CUL4A: variants seen among roughly 807,000 people sequenced by gnomAD.
The protein encoded by CUL4A is cullin-4A.
Under a neutral mutation model 95.5 loss-of-function variants are expected in CUL4A, and 16 were observed. The ratio of observed to expected loss-of-function variants is 0.17; its 90% CI spans 0.11 to 0.25. The LOEUF (loss-of-function observed/expected upper bound fraction) is 0.25, where lower values mean the gene tolerates loss of function less well. Ranked by LOEUF, CUL4A falls within the 10% of genes least tolerant of loss-of-function variation. The pLI, the probability that CUL4A is intolerant of heterozygous loss-of-function variation, is 1.00. For synonymous variants in CUL4A, 380 were observed against 353.1 expected, an observed-to-expected ratio of 1.08 and a Z score of -0.85; for missense variants, 610 against 937.0, an observed-to-expected ratio of 0.65 and a Z score of 4.56.
chr13:113,231,238 G>A (rs1411609609), intron 5 of CUL4A, among the ~76,000 whole-genome samples: 4 of 152,190 alleles, frequency 2.6e-5, no homozygotes, highest in African/African-American at 9.6e-5. Context: ...GTGTGTGTGG[G>A]CAATGCATGG....
intron 15 of CUL4A, among the ~76,000 whole-genome samples, chr13:113,251,766 T>C (rs2042000703): frequency 6.6e-6 from 1 of 152,198 alleles, no homozygotes; most frequent in African/African-American, 2.4e-5. Context: ...TTGTACAGCC[T>C]GCAGAACTGT....
At chr13:113,230,357 C>A (rs915301654) in intron 5 of CUL4A, 2 of 152,296 alleles carry the variant, frequency 1.3e-5, no homozygotes, top group Non-Finnish European at 2.9e-5. Context: ...CTGCCAGTTA[C>A]CAAATCCAGC....
At chr13:113,212,710 G>T (rs113955384) in intron 2 of CUL4A, among the ~76,000 whole-genome samples, 2 of 152,168 alleles carry the variant, frequency 1.3e-5, no homozygotes, top group Non-Finnish European at 2.9e-5. Context: ...GCTTGAACCC[G>T]GGAGGCGGAG....
At chr13:113,256,930 T>G (rs2042141420) in intron 18 of CUL4A, among the ~76,000 whole-genome samples, 1 of 133,260 alleles carries the variant, frequency 7.5e-6, no homozygotes, top group African/African-American at 2.8e-5. Context: ...TTTTTCGTTT[T>G]TTTTTTTTTT....
At chr13:113,246,320 A>C (rs1468397538) in intron 15 of CUL4A, among the ~76,000 whole-genome samples, 1 of 152,176 alleles carries the variant, frequency 6.6e-6, no homozygotes, top group Non-Finnish European at 1.5e-5. Context: ...TTGTTTTGGA[A>C]GTTATGGCTT....
chr13:113,208,850 G>C, upstream of CUL4A: 1 of 1,406,970 alleles, frequency 7.1e-7, no homozygotes. Context: ...TCTCAGCCGG[G>C]ACGCCAGCGG....
At chr13:113,242,622 A>C (rs769874635) in intron 10 of CUL4A, among the ~76,000 whole-genome samples, 2 of 152,094 alleles carry the variant, frequency 1.3e-5, no homozygotes, top group Non-Finnish European at 2.9e-5. Context: ...CCGTCTCTAC[A>C]AAACTTTAAA....
In CUL4A at chr13:113,231,765, C is replaced by T. The variant is rs866974376; in HGVS notation, c.513-1412C>T. Among the ~76,000 whole-genome samples the T allele has an allele frequency of 9.8e-5, 15 of 152,286 alleles. No individual in the cohort carries two copies. In the Middle Eastern group the frequency reaches 0.01, roughly 104 times the overall value. On this transcript the variant is annotated intron_variant, in intron 5 of 19. Coordinates refer to ENST00000375440, the MANE Select transcript of CUL4A (RefSeq NM_001008895.4). Reference sequence around the variant, plus strand: ...TGCCTCGAGCCCACAAGTCTGGCCACTGCACCTTCCTGCTCCAACTGTGGT... The same window carrying T: ...TGCCTCGAGCCCACAAGTCTGGCCATTGCACCTTCCTGCTCCAACTGTGGT...
At chr13:113,244,155 A>G in intron 11 of CUL4A, 1 of 348,418 alleles carries the variant, frequency 2.9e-6, no homozygotes, top group South Asian at 5.7e-5. Flanking sequence ...TTTGAAATTC[A>G]GAGATTGCAT....
At chr13:113,246,110 A>G in intron 15 of CUL4A, 47 bp downstream of exon 15, 2 of 1,402,090 alleles carry the variant, frequency 1.4e-6, no homozygotes, top group East Asian at 2.3e-5. Context: ...TCATGCCCTT[A>G]CCAGGCACAG....
chr13:113,237,073 A>G (rs2041569280), intron 9 of CUL4A, among the ~76,000 whole-genome samples, 183 bp downstream of exon 9: 1 of 152,238 alleles, frequency 6.6e-6, no homozygotes, highest in Admixed American at 6.5e-5. Context: ...AGTAAGAGAA[A>G]TAATGGAAGG....
At chr13:113,256,926 G>A (rs201581370) in intron 18 of CUL4A, among the ~76,000 whole-genome samples, 1 of 47,374 alleles carries the variant, frequency 2.1e-5, no homozygotes, top group Non-Finnish European at 3.6e-5. Flanking sequence ...TTTTTTTTTC[G>A]TTTTTTTTTT....
chr13:113,240,201 A>G (rs911431782), intron 10 of CUL4A, among the ~76,000 whole-genome samples: 1 of 152,052 alleles, frequency 6.6e-6, no homozygotes, highest in Non-Finnish European at 1.5e-5. Flanking sequence ...CCAAGGGGAC[A>G]TTTGTTGATG....
intron 19 of CUL4A, among the ~76,000 whole-genome samples, chr13:113,262,151 C>T (rs2042297239): frequency 2.0e-5 from 3 of 152,164 alleles, no homozygotes; most frequent in South Asian, 4.1e-4. Flanking sequence ...TAGAGGGTCT[C>T]CCTTGTATAG....
intron 2 of CUL4A, among the ~76,000 whole-genome samples, chr13:113,217,623 T>G (rs917808905): frequency 3.3e-5 from 5 of 152,220 alleles, no homozygotes; most frequent in African/African-American, 4.8e-5. Context: ...TTAATACTTG[T>G]GTAAGTATTA....
chr13:113,239,611 C>A, intron 10 of CUL4A, 60 bp downstream of exon 10: 2 of 1,260,688 alleles, frequency 1.6e-6, no homozygotes, highest in Non-Finnish European at 1.1e-6. Flanking sequence ...CAGAGCCCCT[C>A]CTGAGAACGC....
chr13:113,244,909 C>A, intron 12 of CUL4A, 40 bp from the exon 13 acceptor site: 1 of 1,257,742 alleles, frequency 8.0e-7, no homozygotes, highest in Non-Finnish European at 1.2e-6. Context: ...TGCTTATCAA[C>A]TCTCTGATGT....
At chr13:113,254,845 A>T (rs940003229) in intron 17 of CUL4A, 47 bp downstream of exon 17, 1 of 1,593,106 alleles carries the variant, frequency 6.3e-7, no homozygotes, top group Non-Finnish European at 8.6e-7. Context: ...TTCTTAAAGC[A>T]TGTATTTGTT....
upstream of CUL4A, chr13:113,208,338 C>G (rs1402174799): frequency 2.1e-6 from 3 of 1,432,090 alleles, no homozygotes; most frequent in African/African-American, 4.3e-5. Context: ...CTGGGACCGC[C>G]GCGTCTACTT....
Sources: allele counts gnomAD v4.1 joint callset (sites outside exome capture counted in the v4.1 genomes callset), GRCh38; gene constraint gnomAD v4.1.1; transcripts MANE v1.5; gene names NCBI Gene and HGNC (gene_info 2026-07-23, HGNC 2026-07-21).